ZMAT3: variants seen among roughly 807,000 people sequenced by gnomAD.
The protein encoded by ZMAT3 is zinc finger matrin-type protein 3.
ZMAT3 carries 17 observed loss-of-function variants against 32.3 expected under a neutral mutation model. That is an observed-to-expected ratio of 0.53 (90% CI 0.36 to 0.79). ZMAT3 has a LOEUF of 0.79. Ranked by LOEUF, ZMAT3 falls within the 30% of genes least tolerant of loss-of-function variation. The pLI, the probability that ZMAT3 is intolerant of heterozygous loss-of-function variation, is 0.00. For synonymous variants in ZMAT3, 120 were observed against 133.1 expected, an observed-to-expected ratio of 0.90 and a Z score of 0.68; for missense variants, 329 against 359.7, an observed-to-expected ratio of 0.91 and a Z score of 0.69.
intron 2 of ZMAT3, among the ~76,000 whole-genome samples, chr3:179,058,845 C>T (rs953691252): frequency 7.4e-6 from 1 of 135,852 alleles, no homozygotes; most frequent in African/African-American, 2.6e-5. Context: ...GAAAGTAATT[C>T]CCTCACTCCA....
intron 2 of ZMAT3, among the ~76,000 whole-genome samples, chr3:179,037,745 G>A (rs1249183500): frequency 6.6e-6 from 1 of 152,158 alleles, no homozygotes; most frequent in African/African-American, 2.4e-5. Context: ...AGGCTAAGAA[G>A]GTTTAGAAGT....
chr3:179,039,948 C>G (rs879819429), intron 2 of ZMAT3, among the ~76,000 whole-genome samples: 21 of 151,830 alleles, frequency 1.4e-4, no homozygotes, highest in African/African-American at 4.8e-5. Context: ...GCTTCAATAG[C>G]CAATTCGATC....
rs112705536 is a variant in ZMAT3, at chr3:179,047,878, A to G, written c.271-16879T>C. ...AGTCTCAAAAAAAAAAGGAGGCACC[A>G]GAGAAAGGTGAAGTCCAACTTAAAT... On this transcript the variant is annotated intron_variant, in intron 2 of 5. Coordinates refer to ENST00000311417, the MANE Select transcript of ZMAT3 (RefSeq NM_022470.4). Among the ~76,000 whole-genome samples, 41 of 152,288 alleles carry G rather than the reference A, an allele frequency of 2.7e-4. 1 individual carries two copies. Among genetic ancestry groups the G allele is most frequent in the African/African-American group, 9.6e-4 (40 of 41,566 alleles).
chr3:179,028,617 C>T (rs1719011050), intron 3 of ZMAT3, among the ~76,000 whole-genome samples: 1 of 152,222 alleles, frequency 6.6e-6, no homozygotes, highest in African/African-American at 2.4e-5. Context: ...GAAAACAGCC[C>T]CCACTGGGGG....
intron 2 of ZMAT3, among the ~76,000 whole-genome samples, chr3:179,045,840 A>G (rs1291626597): frequency 6.6e-6 from 1 of 152,212 alleles, no homozygotes; most frequent in Non-Finnish European, 1.5e-5. Context: ...AACAATAACC[A>G]AAAAAGGGAG....
chr3:179,039,991 C>A, intron 2 of ZMAT3, among the ~76,000 whole-genome samples: 1 of 151,450 alleles, frequency 6.6e-6, no homozygotes, highest in South Asian at 2.1e-4. Context: ...GATTGAAGAT[C>A]AAATTAATTA....
intron 2 of ZMAT3, among the ~76,000 whole-genome samples, chr3:179,058,625 G>A (rs1038867150): frequency 9.9e-5 from 15 of 151,584 alleles, no homozygotes; most frequent in East Asian, 3.9e-4. Context: ...GGGTAGTGGC[G>A]GGCGCCTGTA....
At chr3:179,065,327 GTA>G (rs1326328031) in intron 2 of ZMAT3, among the ~76,000 whole-genome samples, 1 of 151,866 alleles carries the variant, frequency 6.6e-6, no homozygotes, top group African/African-American at 2.4e-5. Flanking sequence ...TTTATTCACT[GTA>G]TCACTGAGGA....
chr3:179,062,243 G>C (rs886163209), intron 2 of ZMAT3, among the ~76,000 whole-genome samples: 1 of 152,098 alleles, frequency 6.6e-6, no homozygotes, highest in Admixed American at 6.6e-5. Context: ...GAGTACAGTG[G>C]GCTGAGGAAT....
intron 2 of ZMAT3, among the ~76,000 whole-genome samples, chr3:179,035,272 C>T (rs755273124): frequency 6.6e-6 from 1 of 152,246 alleles, no homozygotes; most frequent in Admixed American, 6.5e-5. Context: ...TCTCTTGGGC[C>T]TTATGTCAGA....
Position 179,021,598 on chromosome 3 carries a change from A to G in ZMAT3, c.*3419T>C, listed in dbSNP as rs1341666812. 6.6e-6 allele frequency: 1 copy of G among 152,166 alleles called. No homozygotes were observed. The highest frequency in any genetic ancestry group is 2.4e-5 in the African/African-American group (1 of 41,416). The allele number at this position is 152,166 out of a possible 1,614,324, so 9.4% of individuals were successfully genotyped here. A position where few individuals can be genotyped will look rare whatever the true frequency, so the allele number is the denominator to read the frequency against. On this transcript the variant is annotated 3_prime_UTR_variant, in exon 6 of 6. Coordinates refer to ENST00000311417, the MANE Select transcript of ZMAT3 (RefSeq NM_022470.4). ...TAGGCCTCTGTCCATCCTTGAAGACAGCATAGAAAAGGACACTAACATAAT... is the reference window on the plus strand; with the variant it reads ...TAGGCCTCTGTCCATCCTTGAAGACGGCATAGAAAAGGACACTAACATAAT...
At chr3:179,025,330 A>T in intron 5 of ZMAT3, 102 bp from the exon 6 acceptor site, 1 of 1,001,750 alleles carries the variant, frequency 1.0e-6, no homozygotes, top group Non-Finnish European at 1.5e-6. Context: ...CAAATTATAA[A>T]ATTCACAGAT....
rs907053246 is a variant in ZMAT3, at chr3:179,017,273, G to A, written c.*7744C>T. On this transcript the variant is annotated 3_prime_UTR_variant, in exon 6 of 6. Transcript: ENST00000311417. ...TTTATTAAACTGGAACACAAAATGC[G>A]TGTTATAATAATGTCAAGCCTTTAT... 3.9e-5 allele frequency: 6 copies of A among 152,086 alleles called. No individual in the cohort carries two copies. Among genetic ancestry groups the A allele is most frequent in the African/African-American group, 1.2e-4 (5 of 41,410 alleles). The allele number at this position is 152,086 out of a possible 1,614,324, so 9.4% of individuals were successfully genotyped here.
At chr3:179,060,160 A>G (rs1490278775) in intron 2 of ZMAT3, among the ~76,000 whole-genome samples, 3 of 152,166 alleles carry the variant, frequency 2.0e-5, no homozygotes, top group African/African-American at 7.2e-5. Context: ...ACTGCAAAAA[A>G]AAAATTCAAT....
At chr3:179,027,196 C>T (rs765149558) in intron 5 of ZMAT3, among the ~76,000 whole-genome samples, 55 of 152,220 alleles carry the variant, frequency 3.6e-4, no homozygotes, top group Middle Eastern at 3.4e-3. Flanking sequence ...GATCCTAAAA[C>T]ACAGACTATA....
chr3:179,056,793 G>C (rs1332026833), intron 2 of ZMAT3, among the ~76,000 whole-genome samples: 2 of 152,190 alleles, frequency 1.3e-5, no homozygotes, highest in Admixed American at 6.5e-5. Context: ...CCAGTCACTA[G>C]ATACTTCTCC....
intron 2 of ZMAT3, among the ~76,000 whole-genome samples, chr3:179,065,043 CTCTT>C (rs543053267): frequency 7.9e-5 from 12 of 152,200 alleles, no homozygotes; most frequent in Non-Finnish European, 1.2e-4. Flanking sequence ...AAAACCTTCT[CTCTT>C]TAAGAGTTAC....
chr3:179,027,855 CAG>C (rs765719081), intron 3 of ZMAT3, 43 bp from the exon 4 acceptor site: 96 of 1,563,870 alleles, frequency 6.1e-5, no homozygotes, highest in Non-Finnish European at 7.3e-5. Flanking sequence ...AAAAAAAATA[CAG>C]AGTTTCCTCC....
At chr3:179,050,230 G>C (rs766663033) in intron 2 of ZMAT3, among the ~76,000 whole-genome samples, 4 of 151,976 alleles carry the variant, frequency 2.6e-5, no homozygotes, top group Non-Finnish European at 5.9e-5. Flanking sequence ...AACAATTATT[G>C]AGGTTAGCCA....
Sources: gnomAD v4.1 joint callset for allele counts (sites outside exome capture counted in the v4.1 genomes callset) on GRCh38, gnomAD v4.1.1 for gene constraint, MANE v1.5 for transcripts, NCBI Gene and HGNC (gene_info 2026-07-23, HGNC 2026-07-21) for gene names.